The following SOX5 variants were observed in gnomAD, a reference collection of about 807,000 sequenced individuals.
SOX5 encodes the protein transcription factor SOX-5.
A neutral mutation model predicts 92.0 loss-of-function variants in SOX5; 9 were observed. The ratio of observed to expected loss-of-function variants is 0.10; its 90% CI spans 0.06 to 0.17. The LOEUF (loss-of-function observed/expected upper bound fraction) is 0.17, where lower values mean the gene tolerates loss of function less well. SOX5 is among the 10% of genes least tolerant of loss of function. The pLI, the probability that SOX5 is intolerant of heterozygous loss-of-function variation, is 1.00. For synonymous variants in SOX5, 344 were observed against 336.3 expected, an observed-to-expected ratio of 1.02 and a Z score of -0.25; for missense variants, 642 against 944.5, an observed-to-expected ratio of 0.68 and a Z score of 4.20.
At chr12:23,855,207 G>A (rs1273450258) in intron 2 of SOX5, among the ~76,000 whole-genome samples, 4 of 151,806 alleles carry the variant, frequency 2.6e-5, no homozygotes, top group African/African-American at 9.7e-5. Flanking sequence ...ACTGTATCCA[G>A]GGAAAGATTT....
intron 2 of SOX5, among the ~76,000 whole-genome samples, chr12:23,863,153 G>A (rs1442333509): frequency 6.6e-6 from 1 of 152,100 alleles, no homozygotes; most frequent in African/African-American, 2.4e-5. Flanking sequence ...CTCAGTATAT[G>A]TCTTTCTTTT....
intron 3 of SOX5, among the ~76,000 whole-genome samples, chr12:23,766,811 A>T (rs2094743812): frequency 6.6e-6 from 1 of 152,146 alleles, no homozygotes; most frequent in East Asian, 1.9e-4. Flanking sequence ...TGCAGTAAAA[A>T]CTGCTAAGGG....
intron 1 of SOX5, among the ~76,000 whole-genome samples, chr12:23,936,616 A>G (rs1569122667): frequency 6.6e-6 from 1 of 150,880 alleles, no homozygotes; most frequent in Non-Finnish European, 1.5e-5. Flanking sequence ...TAAAGATAGA[A>G]GTTTTGATTT....
intron 10 of SOX5, among the ~76,000 whole-genome samples, chr12:23,572,922 C>A (rs1324134982): frequency 6.6e-6 from 1 of 152,132 alleles, no homozygotes; most frequent in East Asian, 1.9e-4. Context: ...GACTGAATTC[C>A]TCTTAACAAA....
chr12:24,433,893 C>T lies in SOX5; in HGVS notation c.-250-65254G>A, dbSNP rs116175128. ...TGCCATGAGAATGAATGGGATTGAC[C>T]AGAAAGGAACATGTCAAATAGCAAG... On this transcript the variant is annotated intron_variant, in intron 1 of 4. Coordinates refer to the SOX5 transcript ENST00000446891. Among the ~76,000 whole-genome samples the T allele has an allele frequency of 3.3e-3, 508 of 152,034 alleles. 5 individuals are homozygous for T. Among genetic ancestry groups the T allele is most frequent in the African/African-American group, 0.012 (483 of 41,472 alleles).
chr12:23,637,118 C>A (rs1035469364), intron 8 of SOX5, among the ~76,000 whole-genome samples: 1 of 152,078 alleles, frequency 6.6e-6, no homozygotes, highest in Non-Finnish European at 1.5e-5. Flanking sequence ...AAACAGGATC[C>A]TTTTGTGTTT....
Position 24,519,383 on chromosome 12 carries a change from T to C in SOX5, c.-251+42946A>G, listed in dbSNP as rs561623793. Among the ~76,000 whole-genome samples the C allele has an allele frequency of 3.9e-4, 59 of 151,562 alleles. No homozygotes were observed. The South Asian group carries it at 0.012, about 30-fold the overall frequency. ...GTAAGGGAGCAGAAAGAAGAGAAGG[T>C]AAAGAGGAGATGTGTATGTGTTGTT... On this transcript the variant is annotated intron_variant, in intron 1 of 4. Transcript: ENST00000446891.
chr12:24,163,570 C>T (rs1051412114), intron 4 of SOX5, among the ~76,000 whole-genome samples: 8 of 150,736 alleles, frequency 5.3e-5, no homozygotes, highest in African/African-American at 1.2e-4. Flanking sequence ...AGATTCATGC[C>T]GCATTATCTG....
intron 1 of SOX5, among the ~76,000 whole-genome samples, chr12:24,369,111 C>T (rs1396867931): frequency 1.3e-5 from 2 of 152,218 alleles, no homozygotes; most frequent in Non-Finnish European, 2.9e-5. Context: ...TGCTGTCTGA[C>T]ACACAGTATA....
At chr12:24,449,941 T>A (rs1315645096) in intron 1 of SOX5, among the ~76,000 whole-genome samples, 1 of 152,160 alleles carries the variant, frequency 6.6e-6, no homozygotes, top group Non-Finnish European at 1.5e-5. Flanking sequence ...TATGAAAGTA[T>A]TATCATCCAT....
chr12:24,216,265 C>T (rs1490284697), intron 3 of SOX5, among the ~76,000 whole-genome samples: 1 of 150,894 alleles, frequency 6.6e-6, no homozygotes, highest in Non-Finnish European at 1.5e-5. Flanking sequence ...GGACGGATCA[C>T]GAGGTCAGGA....
chr12:23,844,955 G>T (rs891666945), intron 3 of SOX5, among the ~76,000 whole-genome samples: 1 of 152,084 alleles, frequency 6.6e-6, no homozygotes, highest in African/African-American at 2.4e-5. Context: ...CCAATTCTCA[G>T]ATCATGAGAA....
chr12:23,840,631 G>C (rs1290565254), intron 3 of SOX5, among the ~76,000 whole-genome samples: 1 of 152,092 alleles, frequency 6.6e-6, no homozygotes, highest in Non-Finnish European at 1.5e-5. Flanking sequence ...CAAGACGATA[G>C]ACCAACTGAT....
intron 9 of SOX5, among the ~76,000 whole-genome samples, chr12:23,590,028 G>A (rs1951303750): frequency 6.6e-6 from 1 of 151,944 alleles, no homozygotes; most frequent in Admixed American, 6.6e-5. Context: ...CAATGTAACA[G>A]CAAATTCTAT....
At chr12:24,428,837 G>T (rs1172132416) in intron 1 of SOX5, among the ~76,000 whole-genome samples, 1 of 146,428 alleles carries the variant, frequency 6.8e-6, no homozygotes, top group Non-Finnish European at 1.5e-5. Flanking sequence ...CTTCAAGACA[G>T]CATAGTGAGC....
At chr12:24,181,924 T>A (rs1182615729) in intron 4 of SOX5, among the ~76,000 whole-genome samples, 2 of 152,130 alleles carry the variant, frequency 1.3e-5, no homozygotes, top group Non-Finnish European at 2.9e-5. Flanking sequence ...TTCCAAACCA[T>A]TTTTCATCTC....
chr12:23,685,634 C>CT (rs1286730528), intron 6 of SOX5, among the ~76,000 whole-genome samples: 2 of 146,802 alleles, frequency 1.4e-5, no homozygotes, highest in South Asian at 2.4e-4. Flanking sequence ...TTTGTCCCCC[C>CT]CCCCAAAAAT....
chr12:24,263,296 G>T (rs557785955), intron 3 of SOX5, among the ~76,000 whole-genome samples: 1 of 152,080 alleles, frequency 6.6e-6, no homozygotes, highest in South Asian at 2.1e-4. Flanking sequence ...GGGAGGCCCA[G>T]GTGGGTGGAT....
intron 2 of SOX5, among the ~76,000 whole-genome samples, chr12:23,866,074 T>C (rs2096809158): frequency 1.3e-5 from 2 of 152,218 alleles, no homozygotes; most frequent in South Asian, 4.1e-4. Context: ...TGGAATCTAC[T>C]CCTGATGAAG....
Sources: allele counts gnomAD v4.1 joint callset (sites outside exome capture counted in the v4.1 genomes callset), GRCh38; gene constraint gnomAD v4.1.1; transcripts MANE v1.5; gene names NCBI Gene and HGNC (gene_info 2026-07-23, HGNC 2026-07-21).